Variants in RAC1 observed in about 807,000 individuals in gnomAD.
RAC1 encodes the protein ras-related C3 botulinum toxin substrate 1.
A neutral mutation model predicts 25.2 loss-of-function variants in RAC1; 2 were observed. The ratio of observed to expected loss-of-function variants is 0.08; its 90% CI spans 0.03 to 0.25. The LOEUF (loss-of-function observed/expected upper bound fraction) is 0.25, where lower values mean the gene tolerates loss of function less well. Ranked by LOEUF, RAC1 falls within the 10% of genes least tolerant of loss-of-function variation. The probability of loss-of-function intolerance (pLI) is 1.00; values close to 1 mark genes in which losing one functional copy is unlikely to be tolerated. For missense variants in RAC1, 50 were observed against 235.7 expected (o/e 0.21, Z 5.16); for synonymous variants, 88 against 94.0 (o/e 0.94, Z 0.37).
At chr7:6,386,775 C>G (rs1331639749) in intron 1 of RAC1, among the ~76,000 whole-genome samples, 1 of 126,506 alleles carries the variant, frequency 7.9e-6, no homozygotes, top group African/African-American at 3.1e-5. Flanking sequence ...GGCGACAGCA[C>G]GAGACTCGGT....
intron 1 of RAC1, chr7:6,376,042 T>C (rs542088196): frequency 4.6e-5 from 7 of 152,212 alleles, no homozygotes; most frequent in South Asian, 2.1e-4. Context: ...TTCAAACTTA[T>C]CATTAGGACA....
In RAC1 at chr7:6,401,988, A is replaced by C. The variant is rs770760146; in HGVS notation, c.409A>C (p.Ile137Leu). ...EKLKEKKLTP[I>L]TYPQGLAMAK... ...ACTGAAGGAGAAGAAGCTGACTCCC[A>C]TCACCTATCCGCAGGGTCTAGCCAT... The change falls in exon 5 of 6, where the codon ATC (isoleucine) becomes CTC (leucine). Residue 137 changes from isoleucine to leucine, a missense_variant. Ile to Leu is a conservative substitution (Grantham distance 5). Transcript: ENST00000348035. 1 of 1,614,208 alleles carries C rather than the reference A, an allele frequency of 6.2e-7. No individual in the cohort carries two copies. Among genetic ancestry groups the C allele is most frequent in the South Asian group, 1.1e-5 (1 of 91,086 alleles).
chr7:6,384,091 A>C (rs536316318), intron 1 of RAC1, among the ~76,000 whole-genome samples: 4 of 152,032 alleles, frequency 2.6e-5, no homozygotes, highest in Middle Eastern at 3.4e-3. Flanking sequence ...CACCGAGCCC[A>C]GCCAACCTTT....
chr7:6,402,448 T>A lies in RAC1; in HGVS notation c.*2T>A, dbSNP rs1182478201. ...AAGAGAAAATGCCTGCTGTTGTAAATGTCTCAGCCCCTCGTTCTTGGTCCT... is the reference window on the plus strand; with the variant it reads ...AAGAGAAAATGCCTGCTGTTGTAAAAGTCTCAGCCCCTCGTTCTTGGTCCT... On this transcript the variant is annotated 3_prime_UTR_variant, in exon 6 of 6. Transcript: ENST00000348035. 6.4e-7 allele frequency: 1 copy of A among 1,553,024 alleles called. No individual in the cohort carries two copies. Among genetic ancestry groups the A allele is most frequent in the Non-Finnish European group, 8.7e-7 (1 of 1,150,378 alleles).
chr7:6,385,524 C>G (rs1782901914), intron 1 of RAC1, among the ~76,000 whole-genome samples: 1 of 152,154 alleles, frequency 6.6e-6, no homozygotes, highest in South Asian at 2.1e-4. Flanking sequence ...TTTTCACATT[C>G]TAAGCTTTTA....
chr7:6,388,632 C>T (rs538217566), intron 2 of RAC1, among the ~76,000 whole-genome samples: 10 of 151,986 alleles, frequency 6.6e-5, no homozygotes, highest in South Asian at 2.1e-4. Flanking sequence ...GCGTGAGCCA[C>T]GGCACCCATT....
At chr7:6,377,612 A>G (rs1782644919) in intron 1 of RAC1, among the ~76,000 whole-genome samples, 1 of 151,814 alleles carries the variant, frequency 6.6e-6, no homozygotes, top group South Asian at 2.1e-4. Context: ...CAAAAACAAA[A>G]ACTATTAGAG....
At chr7:6,393,059 A>C (rs1454303628) in intron 3 of RAC1, among the ~76,000 whole-genome samples, 1 of 152,300 alleles carries the variant, frequency 6.6e-6, no homozygotes, top group South Asian at 2.1e-4. Flanking sequence ...TGTGGTGCTC[A>C]GCACACCTGG....
rs34625328 is a variant in RAC1, at chr7:6,402,850, T to G, written c.*404T>G. 1,966 of 202,130 alleles carry G rather than the reference T, an allele frequency of 9.7e-3. 43 individuals carry two copies. Among genetic ancestry groups the G allele is most frequent in the African/African-American group, 0.043 (1,869 of 43,490 alleles). 12.5% of individuals were successfully genotyped at this position (202,130 alleles called of 1,614,324 possible). A position where few individuals can be genotyped will look rare whatever the true frequency, so the allele number is the denominator to read the frequency against. ...CTTCGTCTTTGAGAAGACGGTAGCT[T>G]CTGCAGTTAGGAGGTGCAGACACTT... On this transcript the variant is annotated 3_prime_UTR_variant, in exon 6 of 6. Coordinates refer to ENST00000348035, the MANE Select transcript of RAC1 (RefSeq NM_006908.5).
At chr7:6,398,452 A>G (rs932104763) in intron 3 of RAC1, among the ~76,000 whole-genome samples, 2 of 152,206 alleles carry the variant, frequency 1.3e-5, no homozygotes, top group East Asian at 1.9e-4. Context: ...TGTCTTCACC[A>G]TCGTTGAACT....
chr7:6,376,535 C>G (rs1467623248), intron 1 of RAC1, among the ~76,000 whole-genome samples: 1 of 142,334 alleles, frequency 7.0e-6, no homozygotes, highest in Non-Finnish European at 1.5e-5. Context: ...CGGGGTCTCA[C>G]TCTGTCGCCC....
In RAC1 at chr7:6,403,112, T is replaced by C. The variant is rs1313930856; in HGVS notation, c.*666T>C. On this transcript the variant is annotated 3_prime_UTR_variant, in exon 6 of 6. Coordinates refer to ENST00000348035, the MANE Select transcript of RAC1 (RefSeq NM_006908.5). ...CTATTTCCTCTAATGAAGAATTCTG[T>C]TTAGCTGTGGGTGTGCCGGGTGGGG... is the stretch of plus-strand genomic sequence containing the variant. 1 of 211,408 alleles carries C rather than the reference T, an allele frequency of 4.7e-6. No homozygotes were observed. The highest frequency in any genetic ancestry group is 9.6e-6 in the Non-Finnish European group (1 of 104,148). The allele number at this position is 211,408 out of a possible 1,614,324, so 13.1% of individuals were successfully genotyped here.
chr7:6,395,257 C>T (rs376981134), intron 3 of RAC1, among the ~76,000 whole-genome samples: 15 of 152,182 alleles, frequency 9.9e-5, no homozygotes, highest in Admixed American at 6.6e-4. Context: ...TGAGCCACTA[C>T]GCCTGGCCAG....
chr7:6,389,938 CCTCCCTCCCTCT>C (rs1057021854), intron 2 of RAC1, among the ~76,000 whole-genome samples: 2 of 146,312 alleles, frequency 1.4e-5, no homozygotes, highest in Admixed American at 6.9e-5. Flanking sequence ...TCCTTCCTTC[CCTCCCTCCCTCT>C]CTCCCTCCCT....
intron 2 of RAC1, among the ~76,000 whole-genome samples, chr7:6,388,615 A>T (rs1485590035): frequency 1.3e-5 from 2 of 151,708 alleles, no homozygotes; most frequent in Admixed American, 1.3e-4. Flanking sequence ...AAGTGCTGGG[A>T]TTACAGGCGT....
intron 2 of RAC1, among the ~76,000 whole-genome samples, chr7:6,388,282 A>G (rs1046997581): frequency 6.6e-5 from 10 of 151,078 alleles, no homozygotes; most frequent in South Asian, 6.3e-4. Flanking sequence ...CTCAGGCACA[A>G]CACACACCCA....
intron 2 of RAC1, among the ~76,000 whole-genome samples, chr7:6,389,687 GAA>G (rs920990843): frequency 2.7e-5 from 4 of 147,612 alleles, no homozygotes; most frequent in African/African-American, 9.9e-5. Context: ...CTCCAAAAAA[GAA>G]AAAAAAAATA....
chr7:6,379,306 C>T (rs1782697574), intron 1 of RAC1, among the ~76,000 whole-genome samples: 1 of 135,208 alleles, frequency 7.4e-6, no homozygotes, highest in African/African-American at 2.7e-5. Context: ...GGAGTTTTCG[C>T]CCTTTTTGCA....
intron 1 of RAC1, among the ~76,000 whole-genome samples, chr7:6,379,896 G>A (rs370350051): frequency 2.4e-4 from 36 of 152,162 alleles, no homozygotes; most frequent in African/African-American, 7.7e-4. Flanking sequence ...TTACAGGCCC[G>A]AGCCACTGCG....
Sources: gnomAD v4.1 joint callset for allele counts (sites outside exome capture counted in the v4.1 genomes callset) on GRCh38, gnomAD v4.1.1 for gene constraint, MANE v1.5 for transcripts, NCBI Gene and HGNC (gene_info 2026-07-23, HGNC 2026-07-21) for gene names.